Variants in TTYH3 observed in about 807,000 individuals in gnomAD.
TTYH3 encodes the protein tweety family member 3.
A neutral mutation model predicts 68.2 loss-of-function variants in TTYH3; 23 were observed. The observed-to-expected ratio is 0.34, with a 90% CI of 0.24 to 0.48. The LOEUF (loss-of-function observed/expected upper bound fraction) is 0.48. TTYH3 is among the 20% of genes least tolerant of loss of function. TTYH3 has a pLI of 0.99. For synonymous variants in TTYH3, 360 were observed against 332.8 expected, an observed-to-expected ratio of 1.08 and a Z score of -0.89; for missense variants, 768 against 727.7, an observed-to-expected ratio of 1.06 and a Z score of -0.64.
intron 13 of TTYH3, chr7:2,660,407 G>A: frequency 1.0e-6 from 1 of 985,416 alleles, no homozygotes. Context: ...AGCAGGCCCT[G>A]CCCTGGAGGC....
At chr7:2,646,815 G>A in intron 1 of TTYH3, 38 bp from the exon 2 acceptor site, 1 of 1,572,356 alleles carries the variant, frequency 6.4e-7, no homozygotes, top group Non-Finnish European at 8.6e-7. Flanking sequence ...CTGAGCTGGG[G>A]GTCCACCCCT....
At chr7:2,644,715 G>A (rs923017062) in intron 1 of TTYH3, among the ~76,000 whole-genome samples, 6 of 152,190 alleles carry the variant, frequency 3.9e-5, no homozygotes, top group African/African-American at 7.2e-5. Flanking sequence ...CTGGGCAGCC[G>A]TGGACACACC....
At position 2,645,484 on chromosome 7, in the gene TTYH3, C is replaced by T. The variant is rs916087649; in HGVS notation, c.124-1369C>T. 2.2e-5 allele frequency: 4 copies of T among 182,562 alleles called. No homozygotes were observed. The highest frequency in any genetic ancestry group is 5.7e-5 in the Admixed American group (1 of 17,472). The allele number at this position is 182,562 out of a possible 1,614,324, so 11.3% of individuals were successfully genotyped here. A position where few individuals can be genotyped will look rare whatever the true frequency, so the allele number is the denominator to read the frequency against. The stretch of plus-strand genomic sequence containing the variant: ...CAAATTAGCCACTTCCTGTGGGGGT[C>T]GCCTGGCCTCGGGACAGGGGAGCTC... On this transcript the variant is annotated intron_variant, in intron 1 of 13. Transcript: ENST00000258796. The surrounding 1 kb of genome is among the most constrained non-coding windows in gnomAD (Gnocchi z 4.8).
rs1206209217 is a variant in TTYH3 at position 2,656,424 on chromosome 7, C to G, written c.1140C>G (p.Phe380Leu). The G allele has an allele frequency of 6.2e-7, 1 of 1,611,608 alleles. No homozygotes were observed. Among genetic ancestry groups the G allele is most frequent in the East Asian group, 2.2e-5 (1 of 44,848 alleles). The part of the protein sequence containing the change: ...HLDYVQALTG[F>L]CYDGVEGLIY... The stretch of plus-strand genomic sequence containing the variant: ...ACTACGTGCAAGCGCTGACCGGCTT[C>G]TGCTATGACGGCGTGGAGGGCCTCA... Residue 380 changes from phenylalanine (F) to leucine (L), a missense_variant, in exon 11 of 14, where the codon TTC becomes TTG. Phe to Leu is a conservative substitution (Grantham distance 22). Transcript: ENST00000258796.
chr7:2,632,412 C>A, intron 1 of TTYH3, 134 bp downstream of exon 1: 1 of 926,224 alleles, frequency 1.1e-6, no homozygotes, highest in South Asian at 2.2e-5. Flanking sequence ...GCCACCTCCT[C>A]CTCGCAGGTA....
At chr7:2,633,420 C>T (rs914323437) in intron 1 of TTYH3, among the ~76,000 whole-genome samples, 43 of 152,284 alleles carry the variant, frequency 2.8e-4, no homozygotes, top group African/African-American at 9.9e-4. Context: ...CTCCCAGCCT[C>T]GCGCTCACTT....
At chr7:2,648,114 AT>A (rs1158549189) in intron 5 of TTYH3, 60 bp downstream of exon 5, 3 of 1,495,822 alleles carry the variant, frequency 2.0e-6, no homozygotes, top group Admixed American at 1.8e-5. Context: ...GCAAGGCACC[AT>A]GTTACCCCTT....
chr7:2,657,711 C>T (rs551824169), intron 11 of TTYH3, among the ~76,000 whole-genome samples: 5 of 152,266 alleles, frequency 3.3e-5, no homozygotes, highest in South Asian at 2.1e-4. Context: ...ACGTGAGGGG[C>T]TTGGCTGGTG....
chr7:2,651,947 AAC>A (rs764333666), intron 7 of TTYH3, among the ~76,000 whole-genome samples: 17 of 152,068 alleles, frequency 1.1e-4, no homozygotes, highest in African/African-American at 1.7e-4. Flanking sequence ...CACACATATA[AAC>A]ACACAGACAC....
At chr7:2,650,048 G>C (rs1336049612) in intron 7 of TTYH3, 60 bp downstream of exon 7, 2 of 1,586,144 alleles carry the variant, frequency 1.3e-6, no homozygotes, top group African/African-American at 1.3e-5. Context: ...TGAGCCAAAA[G>C]AGTGGGGTAG....
chr7:2,641,660 GA>G (rs1785849876), intron 1 of TTYH3, among the ~76,000 whole-genome samples: 1 of 152,266 alleles, frequency 6.6e-6, no homozygotes, highest in Non-Finnish European at 1.5e-5. Context: ...ATGGGCCAGG[GA>G]GGGGCGGAGG....
rs1163233344 is a variant in TTYH3 at position 2,632,027 on chromosome 7, C to G, written c.-129C>G. The G allele has an allele frequency of 4.9e-6, 4 of 817,092 alleles. No homozygotes were observed. 50.6% of individuals were successfully genotyped at this position (817,092 alleles called of 1,614,324 possible). A position where few individuals can be genotyped will look rare whatever the true frequency, so the allele number is the denominator to read the frequency against. On this transcript the variant is annotated 5_prime_UTR_variant, in exon 1 of 14. Transcript: ENST00000258796. The stretch of plus-strand genomic sequence containing the variant: ...CCGAGCCGGGCCGAGCCGGGCCGGG[C>G]CGGGCCCAGGAGCGCGCGGATGATG...
rs1239297870 is a variant in TTYH3 at position 2,647,134 on chromosome 7, C to G, written c.294-8C>G. 2 of 1,595,546 alleles carry G rather than the reference C, an allele frequency of 1.3e-6. No individual in the cohort carries two copies. Among genetic ancestry groups the G allele is most frequent in the Admixed American group, 1.7e-5 (1 of 57,608 alleles). On this transcript the variant is annotated splice_polypyrimidine_tract_variant and splice_region_variant and intron_variant, in intron 2 of 13. Coordinates refer to ENST00000258796, the MANE Select transcript of TTYH3 (RefSeq NM_025250.3). ...CGGGGCTACATCTCACGGGCCCGCC[C>G]TCTCCAGCGCCGGCATCGCAGTGGG...
intron 1 of TTYH3, among the ~76,000 whole-genome samples, chr7:2,641,243 G>A (rs930464153): frequency 1.6e-4 from 25 of 152,208 alleles, no homozygotes; most frequent in East Asian, 9.6e-4. Context: ...TTCAGGCCCC[G>A]GCTCTCTGGC....
At chr7:2,632,324 C>T (rs776844325) in intron 1 of TTYH3, 46 bp downstream of exon 1, 12 of 1,499,794 alleles carry the variant, frequency 8.0e-6, no homozygotes, top group East Asian at 2.5e-5. Context: ...CCCCAGGTCA[C>T]GGCCCCCTCC....
intron 5 of TTYH3, among the ~76,000 whole-genome samples, chr7:2,649,220 G>C (rs1173740566): frequency 6.6e-6 from 1 of 152,124 alleles, no homozygotes; most frequent in Non-Finnish European, 1.5e-5. Flanking sequence ...AGGCCCCTTG[G>C]GCTGCTACGT....
At chr7:2,641,318 G>A (rs180953271) in intron 1 of TTYH3, among the ~76,000 whole-genome samples, 4 of 152,220 alleles carry the variant, frequency 2.6e-5, no homozygotes, top group African/African-American at 4.8e-5. Flanking sequence ...CGGGGCAGTC[G>A]GGGGAGTCTG....
In TTYH3 at chr7:2,662,049, G is replaced by A. The variant is rs1786513098; in HGVS notation, c.*310G>A. 16 of 542,778 alleles carry A rather than the reference G, an allele frequency of 2.9e-5. 1 individual carries two copies. Among genetic ancestry groups the A allele is most frequent in the South Asian group, 1.4e-4 (7 of 48,358 alleles). 33.6% of individuals were successfully genotyped at this position (542,778 alleles called of 1,614,324 possible). Reference sequence around the variant, plus strand: ...GTCGCCGCACCTACAAGCCCTGGCCGCACCCAACCTGTGTTGTTGCCGCCC... The same window carrying A: ...GTCGCCGCACCTACAAGCCCTGGCCACACCCAACCTGTGTTGTTGCCGCCC... On this transcript the variant is annotated 3_prime_UTR_variant, in exon 14 of 14. Transcript: ENST00000258796.
chr7:2,640,726 G>C (rs1402603633), intron 1 of TTYH3, among the ~76,000 whole-genome samples: 1 of 152,270 alleles, frequency 6.6e-6, no homozygotes, highest in Non-Finnish European at 1.5e-5. Flanking sequence ...GCATGGCCAG[G>C]AGGCCGCGGC....
Sources: gnomAD v4.1 joint callset for allele counts (sites outside exome capture counted in the v4.1 genomes callset) on GRCh38, gnomAD v4.1.1 for gene constraint, Gnocchi (gnomAD v3.1) non-coding constraint, MANE v1.5 for transcripts, NCBI Gene and HGNC (gene_info 2026-07-23, HGNC 2026-07-21) for gene names.